The following RGS17 variants were observed in gnomAD, a reference collection of about 807,000 sequenced individuals.
The protein encoded by RGS17 is regulator of G protein signaling 17.
In RGS17, 12 loss-of-function variants were observed where a neutral mutation model predicts 25.5. The ratio of observed to expected loss-of-function variants is 0.47; its 90% CI spans 0.30 to 0.76. RGS17 has a LOEUF of 0.76. Ranked by LOEUF, RGS17 falls within the 30% of genes least tolerant of loss-of-function variation. The pLI is 0.07. For synonymous variants in RGS17, 71 were observed against 76.9 expected, an observed-to-expected ratio of 0.92 and a Z score of 0.40; for missense variants, 196 against 242.2, an observed-to-expected ratio of 0.81 and a Z score of 1.27.
At chr6:153,095,834 T>C (rs1777200515) in intron 1 of RGS17, among the ~76,000 whole-genome samples, 1 of 152,186 alleles carries the variant, frequency 6.6e-6, no homozygotes, top group African/African-American at 2.4e-5. Flanking sequence ...AGGATCCAAA[T>C]TGTTTTCATC....
rs899685411 is a variant in RGS17, at chr6:153,008,309, A to G, written c.*3265T>C. 4 of 137,364 alleles carry G rather than the reference A, an allele frequency of 2.9e-5. No individual in the cohort carries two copies. Among genetic ancestry groups the G allele is most frequent in the Non-Finnish European group, 6.2e-5 (4 of 64,198 alleles). 8.5% of individuals were successfully genotyped at this position (137,364 alleles called of 1,614,324 possible). On this transcript the variant is annotated 3_prime_UTR_variant, in exon 5 of 5. Transcript: ENST00000206262. Reference sequence around the variant, plus strand: ...ACGGCATATCAGAACTGGTCATTCTATGTACATATTTTAAGATTTCAAAAA... The same window carrying G: ...ACGGCATATCAGAACTGGTCATTCTGTGTACATATTTTAAGATTTCAAAAA...
chr6:153,099,839 T>A lies in RGS17; in HGVS notation c.-26+31285A>T, dbSNP rs557609071. Among the ~76,000 whole-genome samples, 9 of 152,282 alleles carry A rather than the reference T, an allele frequency of 5.9e-5. No individual in the cohort carries two copies. In the East Asian group the frequency reaches 1.7e-3, roughly 29 times the overall value. ...TGAAGATTAAATAAGAAAATATGTA[T>A]GAAAGGGCTTATCACAGCACCTGGC... is the stretch of plus-strand genomic sequence containing the variant. On this transcript the variant is annotated intron_variant, in intron 1 of 4. Transcript: ENST00000206262.
At chr6:153,044,364 T>C (rs916501493) in intron 1 of RGS17, among the ~76,000 whole-genome samples, 2 of 152,226 alleles carry the variant, frequency 1.3e-5, no homozygotes, top group African/African-American at 4.8e-5. Context: ...TCAAGAATGA[T>C]TAAATCTGCC....
At chr6:153,126,563 G>T (rs1439644995) in intron 1 of RGS17, among the ~76,000 whole-genome samples, 1 of 152,086 alleles carries the variant, frequency 6.6e-6, no homozygotes, top group African/African-American at 2.4e-5. Flanking sequence ...GGAAACACAG[G>T]CTAAAGACTT....
At chr6:153,115,703 C>A (rs550299157) in intron 1 of RGS17, among the ~76,000 whole-genome samples, 1 of 152,168 alleles carries the variant, frequency 6.6e-6, no homozygotes. Flanking sequence ...ACAAAAACAG[C>A]ATTGTACTGC....
At chr6:153,016,534 A>G (rs1297056187) in intron 4 of RGS17, among the ~76,000 whole-genome samples, 1 of 152,234 alleles carries the variant, frequency 6.6e-6, no homozygotes, top group African/African-American at 2.4e-5. Context: ...TTATTATCTT[A>G]AGACAAATAA....
chr6:153,127,678 T>G (rs962268127), intron 1 of RGS17, among the ~76,000 whole-genome samples: 2 of 152,180 alleles, frequency 1.3e-5, no homozygotes, highest in Admixed American at 1.3e-4. Context: ...ATATAGAGCT[T>G]TTATAATTGG....
chr6:153,022,643 C>T (rs964218893), intron 4 of RGS17, among the ~76,000 whole-genome samples: 3 of 152,138 alleles, frequency 2.0e-5, no homozygotes, highest in Non-Finnish European at 4.4e-5. Flanking sequence ...TGTATAATTA[C>T]AGGCAAAAGA....
intron 1 of RGS17, among the ~76,000 whole-genome samples, chr6:153,062,392 A>C (rs1776651709): frequency 6.6e-6 from 1 of 152,104 alleles, no homozygotes; most frequent in African/African-American, 2.4e-5. Flanking sequence ...AGAAGGGAAA[A>C]CTGGACCAAA....
At chr6:153,013,267 G>A (rs1354270038) in intron 4 of RGS17, among the ~76,000 whole-genome samples, 1 of 151,970 alleles carries the variant, frequency 6.6e-6, no homozygotes, top group Non-Finnish European at 1.5e-5. Flanking sequence ...AGTGACCTTC[G>A]ATGTTACTCT....
intron 1 of RGS17, among the ~76,000 whole-genome samples, chr6:153,103,569 A>G (rs965592947): frequency 6.6e-6 from 1 of 152,204 alleles, no homozygotes; most frequent in Non-Finnish European, 1.5e-5. Flanking sequence ...CCATGATCAA[A>G]CCAAAGGCAA....
intron 1 of RGS17, among the ~76,000 whole-genome samples, chr6:153,124,461 T>G (rs914007747): frequency 6.6e-6 from 1 of 152,236 alleles, no homozygotes; most frequent in Non-Finnish European, 1.5e-5. Flanking sequence ...CTTCAAGCCC[T>G]TATTGTTTAC....
At chr6:153,051,467 T>C (rs1043709928) in intron 1 of RGS17, among the ~76,000 whole-genome samples, 1 of 152,230 alleles carries the variant, frequency 6.6e-6, no homozygotes, top group Non-Finnish European at 1.5e-5. Flanking sequence ...AAACATGTTA[T>C]TATCTTCATT....
chr6:153,126,063 T>A (rs1374920428), intron 1 of RGS17, among the ~76,000 whole-genome samples: 2 of 152,044 alleles, frequency 1.3e-5, no homozygotes, highest in Admixed American at 6.5e-5. Flanking sequence ...ACTTTTAACA[T>A]GTGTAAATTT....
intron 1 of RGS17, among the ~76,000 whole-genome samples, chr6:153,078,153 G>A (rs1334330232): frequency 8.5e-5 from 13 of 152,122 alleles, no homozygotes; most frequent in Admixed American, 2.6e-4. Context: ...GGATTACTGA[G>A]CCACTGCGCC....
At chr6:153,110,573 A>T (rs914940222) in intron 1 of RGS17, among the ~76,000 whole-genome samples, 1 of 152,196 alleles carries the variant, frequency 6.6e-6, no homozygotes, top group Non-Finnish European at 1.5e-5. Context: ...TAGCACAGAT[A>T]GTCTCCAAAA....
chr6:153,107,569 C>T lies in RGS17; in HGVS notation c.-26+23555G>A, dbSNP rs149477162. The stretch of plus-strand genomic sequence containing the variant: ...AAAAAAAATTCAAGTACAAAATCAA[C>T]TTCTTAAAGCCTATATTATATTATC... On this transcript the variant is annotated intron_variant, in intron 1 of 4. Transcript: ENST00000206262. 8.0e-4 allele frequency among the ~76,000 whole-genome samples: 121 copies of T among 151,946 alleles called. 2 individuals are homozygous for T. The East Asian group carries it at 0.018, about 23-fold the overall frequency.
At chr6:153,122,660 T>C (rs564409359) in intron 1 of RGS17, among the ~76,000 whole-genome samples, 22 of 152,216 alleles carry the variant, frequency 1.4e-4, no homozygotes, top group East Asian at 1.4e-3. Context: ...TCCTGGCAGA[T>C]AGAACATTTG....
chr6:153,018,207 T>C (rs1378029067), intron 4 of RGS17, among the ~76,000 whole-genome samples: 1 of 152,182 alleles, frequency 6.6e-6, no homozygotes, highest in Non-Finnish European at 1.5e-5. Context: ...TTTCTCATCA[T>C]GTGTGAAGTT....
Sources: allele counts gnomAD v4.1 joint callset (sites outside exome capture counted in the v4.1 genomes callset), GRCh38; gene constraint gnomAD v4.1.1; transcripts MANE v1.5; gene names NCBI Gene and HGNC (gene_info 2026-07-23, HGNC 2026-07-21).